Variants in NT5DC1 observed in about 807,000 individuals in gnomAD.
NT5DC1 encodes 5'-nucleotidase domain containing 1, also known as 5'-nucleotidase domain-containing protein 1.
Under a neutral mutation model 59.4 loss-of-function variants are expected in NT5DC1, and 42 were observed. The observed-to-expected ratio is 0.71, with a 90% confidence interval of 0.55 to 0.92. NT5DC1 has a LOEUF of 0.92. NT5DC1 is among the 40% of genes least tolerant of loss of function. The probability of loss-of-function intolerance (pLI) is 0.00; values close to 1 mark genes in which losing one functional copy is unlikely to be tolerated. For synonymous variants in NT5DC1, 172 were observed against 188.1 expected, an observed-to-expected ratio of 0.91 and a Z score of 0.70; for missense variants, 501 against 537.1, an observed-to-expected ratio of 0.93 and a Z score of 0.66.
At chr6:116,200,695 C>G (rs779944681) in intron 6 of NT5DC1, among the ~76,000 whole-genome samples, 1 of 151,966 alleles carries the variant, frequency 6.6e-6, no homozygotes, top group East Asian at 1.9e-4. Flanking sequence ...CTCAACTTCT[C>G]TCTCTGGGTG....
chr6:116,202,701 G>A (rs1453181670), intron 6 of NT5DC1, among the ~76,000 whole-genome samples: 2 of 151,982 alleles, frequency 1.3e-5, no homozygotes, highest in Non-Finnish European at 2.9e-5. Flanking sequence ...GTCTAGGAAA[G>A]GGGGAACTGC....
chr6:116,161,412 A>AT (rs760591102), intron 6 of NT5DC1, among the ~76,000 whole-genome samples: 7 of 152,116 alleles, frequency 4.6e-5, no homozygotes, highest in Middle Eastern at 3.4e-3. Context: ...TATAAAGCAG[A>AT]TAAAAAAAAA....
At chr6:116,200,827 A>G (rs1781332197) in intron 6 of NT5DC1, among the ~76,000 whole-genome samples, 1 of 151,968 alleles carries the variant, frequency 6.6e-6, no homozygotes, top group Admixed American at 6.6e-5. Context: ...CTTGGCATAA[A>G]TCCTGTGGCA....
rs1406390322 is a variant in NT5DC1 at position 116,168,698 on chromosome 6, TG to T, written c.529+50754del. ...ATAATTTTTTATTGATACTAGCTAT[TG>T]TTTTTTTTAATTTTATAGAAAAATG... On this transcript the variant is annotated intron_variant, in intron 6 of 11. Transcript: ENST00000319550. 5.9e-5 allele frequency among the ~76,000 whole-genome samples: 9 copies of T among 152,292 alleles called. No homozygotes were observed. The South Asian group carries it at 8.3e-4, about 14-fold the overall frequency.
intron 6 of NT5DC1, among the ~76,000 whole-genome samples, chr6:116,214,654 T>G (rs1254394714): frequency 3.3e-5 from 5 of 152,104 alleles, no homozygotes; most frequent in Non-Finnish European, 7.4e-5. Context: ...AATTCTAATT[T>G]ACCTTCATTT....
chr6:116,110,207 C>T (rs754671783), intron 3 of NT5DC1, among the ~76,000 whole-genome samples: 6 of 152,238 alleles, frequency 3.9e-5, no homozygotes, highest in Non-Finnish European at 7.3e-5. Flanking sequence ...CCATATTTCT[C>T]TGTAGCATAG....
In NT5DC1 at chr6:116,106,355, T is replaced by C; in HGVS notation, c.185+20T>C. 8.4e-7 allele frequency: 1 copy of C among 1,189,366 alleles called. No individual in the cohort carries two copies. Among genetic ancestry groups the C allele is most frequent in the Middle Eastern group, 1.9e-4 (1 of 5,184 alleles). The allele number at this position is 1,189,366 out of a possible 1,614,324, so 73.7% of individuals were successfully genotyped here. A position where few individuals can be genotyped will look rare whatever the true frequency, so the allele number is the denominator to read the frequency against. ...TTTCTGGTAAGTTCTTTTTTTTTTT[T>C]TTTTTTTAAGTCTGTACATTTCCTG... On this transcript the variant is annotated intron_variant, in intron 2 of 11. Coordinates refer to ENST00000319550, the MANE Select transcript of NT5DC1 (RefSeq NM_152729.3).
intron 1 of NT5DC1, among the ~76,000 whole-genome samples, chr6:116,104,781 G>A (rs1416907433): frequency 6.6e-6 from 1 of 152,168 alleles, no homozygotes; most frequent in African/African-American, 2.4e-5. Context: ...TCGTGATGTG[G>A]ACTTTTTATT....
chr6:116,145,014 T>C (rs1167580667), intron 6 of NT5DC1, among the ~76,000 whole-genome samples: 2 of 152,194 alleles, frequency 1.3e-5, no homozygotes, highest in African/African-American at 4.8e-5. Context: ...TATGTACCAA[T>C]TATAGATTTG....
rs148755895 is a variant in NT5DC1, at chr6:116,116,421, A to G, written c.444+651A>G. On this transcript the variant is annotated intron_variant, in intron 5 of 11. Coordinates refer to ENST00000319550, the MANE Select transcript of NT5DC1 (RefSeq NM_152729.3). The stretch of plus-strand genomic sequence containing the variant: ...CACCTTAGGAGGCCAAAACAGGCGG[A>G]TCACGAAGTCAGGAGTTCGAGACCA... Among the ~76,000 whole-genome samples the G allele has an allele frequency of 5.6e-4, 85 of 152,328 alleles. 1 individual carries two copies. In the East Asian group the frequency reaches 0.015, roughly 26 times the overall value.
chr6:116,225,827 T>C lies in NT5DC1; in HGVS notation c.802+2696T>C, dbSNP rs1403840733. On this transcript the variant is annotated intron_variant, in intron 8 of 11. Coordinates refer to ENST00000319550, the MANE Select transcript of NT5DC1 (RefSeq NM_152729.3). ...GATCGAAGATACTGGAATATGTATA[T>C]GTGCTGATGAGAATGATCTGCTGCA... 2.0e-5 allele frequency among the ~76,000 whole-genome samples: 3 copies of C among 152,358 alleles called. No homozygotes were observed. In the East Asian group the frequency reaches 5.8e-4, roughly 29 times the overall value.
At chr6:116,101,069 C>T (rs764766984) in intron 1 of NT5DC1, 46 bp downstream of exon 1, 1 of 1,391,200 alleles carries the variant, frequency 7.2e-7, no homozygotes, top group South Asian at 1.2e-5. Context: ...ACCTCCATGG[C>T]GGCTGGGGCT....
At chr6:116,210,925 C>G (rs1470834980) in intron 6 of NT5DC1, among the ~76,000 whole-genome samples, 1 of 151,958 alleles carries the variant, frequency 6.6e-6, no homozygotes, top group Non-Finnish European at 1.5e-5. Flanking sequence ...AAAGATAGCT[C>G]TCTAATGAAT....
chr6:116,181,870 T>C (rs1780879417), intron 6 of NT5DC1, among the ~76,000 whole-genome samples: 1 of 152,130 alleles, frequency 6.6e-6, no homozygotes, highest in Non-Finnish European at 1.5e-5. Context: ...AAATTTTATT[T>C]ATTCAGTTTT....
intron 6 of NT5DC1, among the ~76,000 whole-genome samples, chr6:116,180,454 G>A (rs1415580579): frequency 6.6e-6 from 1 of 152,078 alleles, no homozygotes; most frequent in East Asian, 1.9e-4. Context: ...GACCTAGGTA[G>A]TGATCATTAA....
Position 116,100,853 on chromosome 6 carries a change from C to G in NT5DC1, c.-78C>G, listed in dbSNP as rs1159610052. ...CCCGCCCCGCCGCGTCCGGCCCGGT[C>G]CTGTCCCGCAGCGTCCCGCCAGCCA... On this transcript the variant is annotated 5_prime_UTR_variant, in exon 1 of 12. Coordinates refer to ENST00000319550, the MANE Select transcript of NT5DC1 (RefSeq NM_152729.3). 8.7e-6 allele frequency: 10 copies of G among 1,148,804 alleles called. No homozygotes were observed. Among genetic ancestry groups the G allele is most frequent in the Admixed American group, 2.4e-5 (1 of 40,896 alleles). 71.2% of individuals were successfully genotyped at this position (1,148,804 alleles called of 1,614,324 possible).
chr6:116,209,829 T>C (rs571323734), intron 6 of NT5DC1, among the ~76,000 whole-genome samples: 56 of 152,130 alleles, frequency 3.7e-4, no homozygotes, highest in Admixed American at 1.2e-3. Context: ...CCAATAATTA[T>C]ATAGCTAAAC....
At chr6:116,103,863 G>A (rs1042949251) in intron 1 of NT5DC1, among the ~76,000 whole-genome samples, 1 of 152,128 alleles carries the variant, frequency 6.6e-6, no homozygotes, top group African/African-American at 2.4e-5. Context: ...GAGTGGGAGA[G>A]TGGGGTCCCA....
At chr6:116,241,823 C>G (rs1387950062) in intron 11 of NT5DC1, among the ~76,000 whole-genome samples, 2 of 148,576 alleles carry the variant, frequency 1.3e-5, no homozygotes, top group Non-Finnish European at 3.0e-5. Context: ...CTCAGGAGGC[C>G]GAGGCAGGAG....
Sources: gnomAD v4.1 joint callset for allele counts (sites outside exome capture counted in the v4.1 genomes callset) on GRCh38, gnomAD v4.1.1 for gene constraint, MANE v1.5 for transcripts, NCBI Gene and HGNC (gene_info 2026-07-23, HGNC 2026-07-21) for gene names.